DNAH5: variants seen among roughly 807,000 people sequenced by gnomAD.
DNAH5 encodes the protein dynein axonemal heavy chain 5.
DNAH5 carries 372 observed loss-of-function variants against 518.2 expected under a neutral mutation model. The ratio of observed to expected loss-of-function variants is 0.72; its 90% CI spans 0.66 to 0.78. The LOEUF is 0.78. Ranked by LOEUF, DNAH5 falls within the 30% of genes least tolerant of loss-of-function variation. The probability of loss-of-function intolerance (pLI) is 0.00; values close to 1 mark genes in which losing one functional copy is unlikely to be tolerated. For synonymous variants in DNAH5, 2,039 were observed against 2,025.9 expected (o/e 1.01, Z -0.17); for missense variants, 5,523 against 5,687.0 (o/e 0.97, Z 0.93).
At chr5:13,843,573 T>A (rs1430328763) in intron 32 of DNAH5, among the ~76,000 whole-genome samples, 1 of 152,174 alleles carries the variant, frequency 6.6e-6, no homozygotes, top group Non-Finnish European at 1.5e-5. Flanking sequence ...CCTCCAGAAC[T>A]TTGAGAGAAT....
intron 1 of DNAH5, among the ~76,000 whole-genome samples, chr5:13,977,011 T>C (rs1782311344): frequency 6.6e-6 from 1 of 152,182 alleles, no homozygotes; most frequent in African/African-American, 2.4e-5. Flanking sequence ...CCTTGAACGG[T>C]GTGTCACTAA....
intron 1 of DNAH5, among the ~76,000 whole-genome samples, chr5:13,969,837 A>C (rs1561022320): frequency 6.6e-6 from 1 of 152,142 alleles, no homozygotes; most frequent in Non-Finnish European, 1.5e-5. Context: ...GTTCTAGGGT[A>C]TAGTTTAAGT....
chr5:13,752,035 A>AATT (rs1254240377), intron 64 of DNAH5, 99 bp downstream of exon 64: 13 of 1,313,502 alleles, frequency 9.9e-6, no homozygotes, highest in Non-Finnish European at 1.2e-5. Flanking sequence ...CAAGGACTCA[A>AATT]ATTTAAGTTG....
At chr5:13,864,758 T>C in intron 27 of DNAH5, 121 bp from the exon 28 acceptor site, 1 of 1,106,536 alleles carries the variant, frequency 9.0e-7, no homozygotes, top group Non-Finnish European at 1.4e-6. Context: ...CTATTTTAAA[T>C]CCCATGACTT....
chr5:13,755,283 T>C (rs1750838871), intron 61 of DNAH5, among the ~76,000 whole-genome samples: 1 of 152,134 alleles, frequency 6.6e-6, no homozygotes, highest in African/African-American at 2.4e-5. Flanking sequence ...ACATGCTAAA[T>C]GTCTAACAAT....
At chr5:13,920,941 A>G (rs548593452) in intron 5 of DNAH5, among the ~76,000 whole-genome samples, 1 of 151,034 alleles carries the variant, frequency 6.6e-6, no homozygotes, top group African/African-American at 2.5e-5. Context: ...GTGGACCCAT[A>G]TGAAAAAAAC....
chr5:13,847,204 G>A (rs1189334625), intron 31 of DNAH5, among the ~76,000 whole-genome samples: 2 of 151,300 alleles, frequency 1.3e-5, no homozygotes, highest in East Asian at 3.9e-4. Context: ...AGCTTGGGAG[G>A]GTGTTGTTTT....
At chr5:13,962,300 GT>G (rs1383927087) in intron 1 of DNAH5, among the ~76,000 whole-genome samples, 2 of 152,142 alleles carry the variant, frequency 1.3e-5, no homozygotes, top group African/African-American at 2.4e-5. Flanking sequence ...CATAACGCAA[GT>G]TTTTCACAGG....
chr5:13,752,380 C>T, intron 63 of DNAH5, 91 bp from the exon 64 acceptor site: 1 of 1,414,390 alleles, frequency 7.1e-7, no homozygotes, highest in Non-Finnish European at 1.0e-6. Context: ...CTAAAGCATT[C>T]TACTGCAAGA....
chr5:13,830,250 T>C (rs779002272), intron 36 of DNAH5, 37 bp from the exon 37 acceptor site: 6 of 1,581,776 alleles, frequency 3.8e-6, no homozygotes, highest in Middle Eastern at 1.7e-4. Context: ...CCAATTAGTA[T>C]ATAATTTTAG....
intron 40 of DNAH5, among the ~76,000 whole-genome samples, chr5:13,821,984 C>T (rs950037540): frequency 4.6e-5 from 7 of 152,014 alleles, no homozygotes; most frequent in East Asian, 1.9e-4. Context: ...TTTGTAGAGA[C>T]GAGTTCTCGC....
At chr5:13,933,012 G>C (rs1285321121) in intron 1 of DNAH5, among the ~76,000 whole-genome samples, 1 of 152,186 alleles carries the variant, frequency 6.6e-6, no homozygotes, top group Non-Finnish European at 1.5e-5. Context: ...TGAGGTTTTA[G>C]CAGCGCCTTT....
intron 70 of DNAH5, among the ~76,000 whole-genome samples, chr5:13,723,773 T>TA (rs1268107155): frequency 6.6e-6 from 1 of 152,232 alleles, no homozygotes; most frequent in Non-Finnish European, 1.5e-5. Flanking sequence ...ATATAATTCT[T>TA]AAGTCACCAG....
chr5:13,967,188 C>G (rs1299334513), intron 1 of DNAH5, among the ~76,000 whole-genome samples: 1 of 152,100 alleles, frequency 6.6e-6, no homozygotes, highest in Admixed American at 6.6e-5. Flanking sequence ...TAATTAAGTC[C>G]CATTTATTTA....
At chr5:13,902,706 C>T (rs1414969703) in intron 12 of DNAH5, among the ~76,000 whole-genome samples, 3 of 152,202 alleles carry the variant, frequency 2.0e-5, no homozygotes, top group Non-Finnish European at 2.9e-5. Flanking sequence ...ACATAGTTTG[C>T]TGACCCCTGC....
chr5:13,779,678 C>A (rs1484554672), intron 53 of DNAH5, among the ~76,000 whole-genome samples: 3 of 152,170 alleles, frequency 2.0e-5, no homozygotes, highest in Non-Finnish European at 1.5e-5. Flanking sequence ...TTTCTCCCTG[C>A]ACTACACCCA....
At chr5:13,959,685 C>T (rs2152044929) in intron 1 of DNAH5, among the ~76,000 whole-genome samples, 1 of 152,262 alleles carries the variant, frequency 6.6e-6, no homozygotes, top group Admixed American at 6.5e-5. Context: ...CAAGATTCCT[C>T]AGCTGGGTGT....
At chr5:13,911,321 G>A (rs546521718) in intron 12 of DNAH5, 65 bp downstream of exon 12, 66 of 1,252,326 alleles carry the variant, frequency 5.3e-5, no homozygotes, top group Middle Eastern at 3.7e-4. Context: ...AATGATTAAC[G>A]GCATTATACA....
At chr5:13,977,818 A>C (rs1489821101) in intron 1 of DNAH5, among the ~76,000 whole-genome samples, 2 of 152,038 alleles carry the variant, frequency 1.3e-5, no homozygotes, top group Non-Finnish European at 2.9e-5. Context: ...GGTTCATAAG[A>C]GTTGAATTAT....
Sources: allele counts gnomAD v4.1 joint callset (sites outside exome capture counted in the v4.1 genomes callset), GRCh38; gene constraint gnomAD v4.1.1; transcripts MANE v1.5; gene names NCBI Gene and HGNC (gene_info 2026-07-23, HGNC 2026-07-21).